CADPS2: variants seen among roughly 807,000 people sequenced by gnomAD.
CADPS2 encodes the protein calcium dependent secretion activator 2, also known as calcium-dependent secretion activator 2.
Under a neutral mutation model 172.5 loss-of-function variants are expected in CADPS2, and 93 were observed. The ratio of observed to expected loss-of-function variants is 0.54; its 90% confidence interval spans 0.46 to 0.64. CADPS2 has a LOEUF of 0.64. Among genes scored for constraint, CADPS2 ranks in the 30% least tolerant of loss-of-function variants. The pLI, the probability that CADPS2 is intolerant of heterozygous loss-of-function variation, is 0.00. For missense variants in CADPS2, 1,420 were observed against 1,565.9 expected (o/e 0.91, Z 1.57); for synonymous variants, 546 against 555.2 (o/e 0.98, Z 0.23).
chr7:122,614,706 C>A (rs1226556933), intron 6 of CADPS2, among the ~76,000 whole-genome samples: 1 of 152,108 alleles, frequency 6.6e-6, no homozygotes, highest in East Asian at 1.9e-4. Context: ...GAATATCGTG[C>A]GGTAGTCGTA....
At chr7:122,400,918 T>C (rs1301061880) in intron 20 of CADPS2, among the ~76,000 whole-genome samples, 2 of 152,164 alleles carry the variant, frequency 1.3e-5, no homozygotes, top group South Asian at 4.1e-4. Flanking sequence ...AGTCCTTCAT[T>C]TGAAAGAAAT....
intron 1 of CADPS2, among the ~76,000 whole-genome samples, chr7:122,764,281 C>T (rs2093479050): frequency 6.6e-6 from 1 of 152,082 alleles, no homozygotes; most frequent in African/African-American, 2.4e-5. Flanking sequence ...CAGTAAATTT[C>T]CTGTCTTACT....
chr7:122,819,873 T>A (rs1584620840), intron 1 of CADPS2, among the ~76,000 whole-genome samples: 2 of 152,144 alleles, frequency 1.3e-5, no homozygotes, highest in Admixed American at 1.3e-4. Context: ...TACCATCTCA[T>A]TAAAACCTAA....
At chr7:122,472,315 A>G (rs983625619) in intron 13 of CADPS2, among the ~76,000 whole-genome samples, 2 of 151,984 alleles carry the variant, frequency 1.3e-5, no homozygotes, top group Non-Finnish European at 2.9e-5. Flanking sequence ...AGAGAAATAA[A>G]GAATAATGAG....
At chr7:122,613,068 A>C (rs1363827746) in intron 6 of CADPS2, among the ~76,000 whole-genome samples, 1 of 152,150 alleles carries the variant, frequency 6.6e-6, no homozygotes, top group Non-Finnish European at 1.5e-5. Flanking sequence ...TGACCTAAAT[A>C]TAAAACTATG....
chr7:122,477,068 G>C (rs1215867106), intron 12 of CADPS2, among the ~76,000 whole-genome samples: 5 of 149,320 alleles, frequency 3.3e-5, no homozygotes, highest in Non-Finnish European at 7.4e-5. Context: ...GAGAGAGAGA[G>C]AGAGAGAGAG....
intron 17 of CADPS2, among the ~76,000 whole-genome samples, chr7:122,437,841 T>G (rs528999104): frequency 1.1e-4 from 17 of 150,644 alleles, no homozygotes; most frequent in African/African-American, 4.1e-4. Context: ...TCTCAAGAGA[T>G]CTAATCTTTC....
chr7:122,595,195 T>G (rs2071562481), intron 6 of CADPS2, among the ~76,000 whole-genome samples: 10 of 151,886 alleles, frequency 6.6e-5, no homozygotes, highest in Admixed American at 5.3e-4. Context: ...GTAACATAAT[T>G]AATATATTAC....
chr7:122,835,351 G>C (rs1808031769), intron 1 of CADPS2, among the ~76,000 whole-genome samples: 1 of 152,310 alleles, frequency 6.6e-6, no homozygotes, highest in East Asian at 1.9e-4. Context: ...GAGCAGAAAA[G>C]CTGAAAATTC....
At chr7:122,696,003 G>C (rs966713912) in intron 2 of CADPS2, among the ~76,000 whole-genome samples, 1 of 152,180 alleles carries the variant, frequency 6.6e-6, no homozygotes, top group East Asian at 1.9e-4. Context: ...TGGAACTCTA[G>C]GTGCAGGGAC....
chr7:122,345,523 C>T (rs910474606), intron 28 of CADPS2, 51 bp downstream of exon 28: 14 of 1,098,768 alleles, frequency 1.3e-5, no homozygotes, highest in African/African-American at 1.6e-5. Flanking sequence ...CAACTTTTCT[C>T]TTTGCAGTTT....
At position 122,468,045 on chromosome 7, in the gene CADPS2, C is replaced by T. The variant is rs183336897; in HGVS notation, c.2186+3330G>A. ...TTTTATTTCTGAAACACTCAGAGTG[C>T]TATTCAGAGATGTATCTGTACAGAA... On this transcript the variant is annotated intron_variant, in intron 14 of 29. Transcript: ENST00000449022. 3.4e-3 allele frequency among the ~76,000 whole-genome samples: 514 copies of T among 152,214 alleles called. 3 individuals carry two copies. The highest frequency in any genetic ancestry group is 5.9e-3 in the Non-Finnish European group (398 of 68,008).
chr7:122,482,198 G>A (rs58869733), intron 11 of CADPS2, among the ~76,000 whole-genome samples: 37,991 of 151,894 alleles, frequency 0.25, 5,144 homozygotes, highest in East Asian at 0.35. Flanking sequence ...AGTGAAGGAG[G>A]ATGGCGATTA....
At chr7:122,575,758 A>C (rs2067956394) in intron 7 of CADPS2, among the ~76,000 whole-genome samples, 1 of 152,168 alleles carries the variant, frequency 6.6e-6, no homozygotes, top group African/African-American at 2.4e-5. Context: ...TTTCTTAAAC[A>C]GTATATGCTG....
At chr7:122,705,469 TTATA>T (rs1168454121) in intron 2 of CADPS2, among the ~76,000 whole-genome samples, 4 of 133,552 alleles carry the variant, frequency 3.0e-5, no homozygotes, top group Admixed American at 8.7e-5. Context: ...ATATTATATA[TTATA>T]TATATTTATA....
At chr7:122,457,479 G>T (rs2053926517) in intron 14 of CADPS2, among the ~76,000 whole-genome samples, 1 of 152,158 alleles carries the variant, frequency 6.6e-6, no homozygotes, top group South Asian at 2.1e-4. Flanking sequence ...CACATTGTAA[G>T]GAACAATGAC....
chr7:122,657,146 C>T (rs978319679), intron 3 of CADPS2, among the ~76,000 whole-genome samples: 4 of 152,184 alleles, frequency 2.6e-5, no homozygotes, highest in Non-Finnish European at 5.9e-5. Flanking sequence ...TCTGAGGACT[C>T]TGCTCTGTTC....
intron 1 of CADPS2, among the ~76,000 whole-genome samples, chr7:122,792,930 C>T (rs1311091511): frequency 6.6e-6 from 1 of 152,146 alleles, no homozygotes; most frequent in Non-Finnish European, 1.5e-5. Context: ...CCACCAACTA[C>T]ATATTTGTAC....
chr7:122,338,401 A>G (rs1407115733), intron 28 of CADPS2, among the ~76,000 whole-genome samples: 1 of 151,624 alleles, frequency 6.6e-6, no homozygotes, highest in Non-Finnish European at 1.5e-5. Flanking sequence ...CTCAGAAAAA[A>G]ACAAACAAAC....
Sources: gnomAD v4.1 joint callset for allele counts (sites outside exome capture counted in the v4.1 genomes callset) on GRCh38, gnomAD v4.1.1 for gene constraint, MANE v1.5 for transcripts, NCBI Gene and HGNC (gene_info 2026-07-23, HGNC 2026-07-21) for gene names.